The following KDM6A variants were observed in gnomAD, a reference collection of about 807,000 sequenced individuals.
KDM6A encodes lysine-specific demethylase 6A.
In KDM6A, 11 loss-of-function variants were observed where a neutral mutation model predicts 117.6. That is an observed-to-expected ratio of 0.09 (90% CI 0.06 to 0.15). The LOEUF (loss-of-function observed/expected upper bound fraction) is 0.15. Ranked by LOEUF, KDM6A falls within the 10% of genes least tolerant of loss-of-function variation. The pLI is 1.00. For missense variants in KDM6A, 799 were observed against 1,077.3 expected, an observed-to-expected ratio of 0.74 and a Z score of 3.62; for synonymous variants, 384 against 396.1, an observed-to-expected ratio of 0.97 and a Z score of 0.36.
rs375923207 is a variant in KDM6A at position 44,877,514 on chromosome X, A to G, written c.225+3527A>G. Among the ~76,000 whole-genome samples, 7 of 108,019 alleles carry G rather than the reference A, an allele frequency of 6.5e-5. No homozygotes were observed. In the East Asian group the frequency reaches 2.0e-3, roughly 31 times the overall value. 93.8% of individuals were successfully genotyped at this position (108,019 alleles called of 115,157 possible). ...GAAATTAACTTGTGACTTTTTTAGT[A>G]CATTTTTGAAAACCTTTTGGGTTTT... On this transcript the variant is annotated intron_variant, in intron 2 of 29. Coordinates refer to ENST00000611820, the MANE Select transcript of KDM6A (RefSeq NM_001291415.2).
In KDM6A at chrX:44,989,103, A is replaced by G. The variant is rs772231520; in HGVS notation, c.384+14388A>G. On this transcript the variant is annotated intron_variant, in intron 4 of 29. Transcript: ENST00000611820. ...TTGTTTACCTACTCAAGCCTCGGCAATGGGGGCGCCCCTCCCCAGCCTCAC... is the reference window on the plus strand; with the variant it reads ...TTGTTTACCTACTCAAGCCTCGGCAGTGGGGGCGCCCCTCCCCAGCCTCAC... 2.0e-3 allele frequency among the ~76,000 whole-genome samples: 216 copies of G among 106,206 alleles called. 2 individuals carry two copies. The highest frequency in any genetic ancestry group is 7.3e-3 in the African/African-American group (211 of 29,031). The allele number at this position is 106,206 out of a possible 115,157, so 92.2% of individuals were successfully genotyped here.
chrX:44,894,048 G>GT (rs2033602248), intron 2 of KDM6A, among the ~76,000 whole-genome samples: 1 of 111,693 alleles, frequency 9.0e-6, no homozygotes, highest in African/African-American at 3.3e-5. Flanking sequence ...ATATTTTGTT[G>GT]AGAATTTTTG....
chrX:45,078,340 A>G, intron 19 of KDM6A, 60 bp from the exon 20 acceptor site: 2 of 1,033,675 alleles, frequency 1.9e-6, no homozygotes, highest in South Asian at 2.0e-5. Context: ...AATTTGGAGC[A>G]TAATATTTAA....
intron 9 of KDM6A, 63 bp from the exon 10 acceptor site, chrX:45,053,766 A>G: frequency 3.2e-6 from 3 of 933,429 alleles, no homozygotes; most frequent in Middle Eastern, 5.6e-4. Flanking sequence ...TCTGCTTCGT[A>G]TTCTTAAACA....
chrX:44,975,878 C>T (rs1490892274), intron 4 of KDM6A, among the ~76,000 whole-genome samples: 1 of 111,979 alleles, frequency 8.9e-6, no homozygotes, highest in Non-Finnish European at 1.9e-5. Context: ...TGGAGGTACA[C>T]ATGCACTGGG....
chrX:45,060,292 C>G (rs2044240430), intron 13 of KDM6A, 136 bp downstream of exon 13: 2 of 1,026,428 alleles, frequency 1.9e-6, no homozygotes, highest in Non-Finnish European at 2.6e-6. Flanking sequence ...CAAAGGGAAT[C>G]TAGATCAAAA....
rs762577042 is a variant in KDM6A, at chrX:44,873,369, T to TGCCGCCGCC, written c.-173_-165dup. The stretch of plus-strand genomic sequence containing the variant: ...GCCGACCCGGGGGCTCCGCAGCCCC[T>TGCCGCCGCC]GCCGCCGCCGCCGCCGCCTTCACCG... On this transcript the variant is annotated 5_prime_UTR_variant, in exon 1 of 30. Coordinates refer to ENST00000611820, the MANE Select transcript of KDM6A (RefSeq NM_001291415.2). The TGCCGCCGCC allele has an allele frequency of 5.3e-6, 3 of 566,465 alleles. No homozygotes were observed. The highest frequency in any genetic ancestry group is 9.4e-5 in the East Asian group (2 of 21,381). 46.7% of individuals were successfully genotyped at this position (566,465 alleles called of 1,213,427 possible). A position where few individuals can be genotyped will look rare whatever the true frequency, so the allele number is the denominator to read the frequency against.
chrX:44,928,748 TCAG>T (rs1006684059), intron 2 of KDM6A, among the ~76,000 whole-genome samples: 1 of 111,258 alleles, frequency 9.0e-6, no homozygotes, highest in African/African-American at 3.3e-5. Context: ...CCTTTTTATG[TCAG>T]CAGCAGTTAT....
intron 2 of KDM6A, among the ~76,000 whole-genome samples, chrX:44,946,729 A>T (rs1404031965): frequency 3.2e-5 from 1 of 31,617 alleles, no homozygotes; most frequent in East Asian, 1.1e-3. Flanking sequence ...TAGATATAGG[A>T]GTCCACTTTA....
At chrX:45,037,460 T>C (rs1203171543) in intron 7 of KDM6A, among the ~76,000 whole-genome samples, 195 bp from the exon 8 acceptor site, 2 of 112,439 alleles carry the variant, frequency 1.8e-5, no homozygotes, top group Non-Finnish European at 3.8e-5. Flanking sequence ...TGGTTTCTTA[T>C]CATGATTGTG....
chrX:44,927,049 G>C (rs189890807), intron 2 of KDM6A, among the ~76,000 whole-genome samples: 1 of 111,622 alleles, frequency 9.0e-6, no homozygotes, highest in East Asian at 2.8e-4. Context: ...TGCCATGTAA[G>C]TATTGTCTAT....
At chrX:44,960,376 G>A (rs2038598942) in intron 2 of KDM6A, among the ~76,000 whole-genome samples, 1 of 111,710 alleles carries the variant, frequency 9.0e-6, no homozygotes, top group African/African-American at 3.3e-5. Flanking sequence ...AACCTTGAGA[G>A]AATTAGAGCT....
At chrX:45,085,557 A>G (rs1001886243) in intron 24 of KDM6A, among the ~76,000 whole-genome samples, 11 of 111,853 alleles carry the variant, frequency 9.8e-5, no homozygotes, top group African/African-American at 3.6e-4. Context: ...TGGTTTACCA[A>G]CTTGCCCAGG....
At chrX:44,960,338 T>C (rs2038596712) in intron 2 of KDM6A, among the ~76,000 whole-genome samples, 1 of 111,729 alleles carries the variant, frequency 9.0e-6, no homozygotes, top group Admixed American at 9.5e-5. Context: ...TAATTGTTAA[T>C]GGGAGAAATT....
At chrX:45,084,366 C>T (rs1202731191) in intron 24 of KDM6A, among the ~76,000 whole-genome samples, 1 of 111,819 alleles carries the variant, frequency 8.9e-6, no homozygotes, top group East Asian at 2.8e-4. Flanking sequence ...ACAATCGCAG[C>T]ACTGATCAAT....
At chrX:44,899,035 G>GTGTGTGTGTGTGTGTGTT (rs2034130377) in intron 2 of KDM6A, among the ~76,000 whole-genome samples, 2 of 100,940 alleles carry the variant, frequency 2.0e-5, no homozygotes, top group African/African-American at 7.5e-5. Flanking sequence ...GTGTGTGTGT[G>GTGTGTGTGTGTGTGTGTT]TGTTTGTTTG....
intron 2 of KDM6A, among the ~76,000 whole-genome samples, chrX:44,958,702 A>AT (rs2038504272): frequency 1.1e-5 from 1 of 87,061 alleles, no homozygotes; most frequent in African/African-American, 4.7e-5. Context: ...CCTGTTTTAT[A>AT]TTCCAGTCCT....
In KDM6A at chrX:45,037,616, A is replaced by G. The variant is rs531162259; in HGVS notation, c.620-39A>G. On this transcript the variant is annotated intron_variant, in intron 7 of 29. Transcript: ENST00000611820. ...CTTAATTTGCCCCAAATTCTGCTGT[A>G]TTGTTACTGATTTTTTTGTCTTTCC... 373 of 1,146,021 alleles carry G rather than the reference A, an allele frequency of 3.3e-4. 2 individuals are homozygous for G. In the South Asian group the frequency reaches 6.2e-3, roughly 19 times the overall value. The allele number at this position is 1,146,021 out of a possible 1,213,427, so 94.4% of individuals were successfully genotyped here.
chrX:45,075,701 CTT>C (rs201075924), intron 18 of KDM6A, among the ~76,000 whole-genome samples: 5,197 of 111,006 alleles, frequency 0.047, 315 homozygotes, highest in African/African-American at 0.16. Context: ...ATTTGTAACA[CTT>C]TGTTCAGTGT....
Sources: gnomAD v4.1 joint callset for allele counts (sites outside exome capture counted in the v4.1 genomes callset) on GRCh38, gnomAD v4.1.1 for gene constraint, MANE v1.5 for transcripts, NCBI Gene and HGNC (gene_info 2026-07-23, HGNC 2026-07-21) for gene names.